BSN: variants seen among roughly 807,000 people sequenced by gnomAD.
BSN encodes the protein bassoon presynaptic cytomatrix protein, also known as protein bassoon.
In BSN, 57 loss-of-function variants were observed where a neutral mutation model predicts 264.8. The ratio of observed to expected loss-of-function variants is 0.22; its 90% CI spans 0.17 to 0.27. The LOEUF (loss-of-function observed/expected upper bound fraction) is 0.27, where lower values mean the gene tolerates loss of function less well. Ranked by LOEUF, BSN falls within the 10% of genes least tolerant of loss-of-function variation. The probability of loss-of-function intolerance (pLI) is 1.00; values close to 1 mark genes in which losing one functional copy is unlikely to be tolerated. For missense variants in BSN, 4,615 were observed against 5,232.5 expected, an observed-to-expected ratio of 0.88 and a Z score of 3.64; for synonymous variants, 2,059 against 2,137.3, an observed-to-expected ratio of 0.96 and a Z score of 1.01.
chr3:49,636,289 G>A (rs1300983438), intron 2 of BSN, among the ~76,000 whole-genome samples: 2 of 152,246 alleles, frequency 1.3e-5, no homozygotes, highest in East Asian at 3.9e-4. Flanking sequence ...AGGAGGGGAA[G>A]CTGGGCATGA....
chr3:49,612,806 C>T (rs1236756098), intron 1 of BSN, among the ~76,000 whole-genome samples: 1 of 152,142 alleles, frequency 6.6e-6, no homozygotes. Context: ...AAAACTTTCC[C>T]CCTGAAATAA....
chr3:49,651,896 C>A lies in BSN; in HGVS notation c.2340C>A (p.Ile780=). The part of the protein sequence containing the change: ...AFDSDEELED[I]LEEDEDSAEW... Reference sequence around the variant, plus strand: ...ACTCTGATGAGGAGCTGGAGGATATCCTGGAGGAAGACGAAGACTCTGCTG... The same window carrying A: ...ACTCTGATGAGGAGCTGGAGGATATACTGGAGGAAGACGAAGACTCTGCTG... The change falls in exon 5 of 12, where the codon ATC becomes ATA. Residue 780 remains isoleucine, a synonymous_variant. Coordinates refer to ENST00000296452, the MANE Select transcript of BSN (RefSeq NM_003458.4). The surrounding 1 kb of genome is among the most constrained non-coding windows in gnomAD (Gnocchi z 5.4). The A allele has an allele frequency of 1.9e-6, 3 of 1,613,960 alleles. No homozygotes were observed. The highest frequency in any genetic ancestry group is 1.1e-5 in the South Asian group (1 of 91,086).
rs534896554 is a variant in BSN, at chr3:49,651,931, G to A, written c.2375G>A (p.Arg792His). Residue 792 changes from arginine (R) to histidine (H), a missense_variant, in exon 5 of 12, where the codon CGC (arginine) becomes CAC (histidine). Transcript: ENST00000296452. This position sits in a 1 kb window ranked among gnomAD's most constrained non-coding sequence, Gnocchi z 5.4. ...GACGAAGACTCTGCTGAGTGGAGGC[G>A]CCGGAGAGAGCAGCAGGACACTGCC... is the stretch of plus-strand genomic sequence containing the variant. ...EEDEDSAEWR[R>H]RREQQDTAES... 2.8e-5 allele frequency: 45 copies of A among 1,613,412 alleles called. No homozygotes were observed. The highest frequency in any genetic ancestry group is 5.3e-5 in the African/African-American group (4 of 74,932).
In BSN at chr3:49,657,549, G is replaced by T; in HGVS notation, c.7993G>T (p.Gly2665Cys). 6.2e-7 allele frequency: 1 copy of T among 1,613,190 alleles called. No individual in the cohort carries two copies. The highest frequency in any genetic ancestry group is 8.5e-7 in the Non-Finnish European group (1 of 1,180,020). ...CACTGTGAGGGCCATGAGCAGCGTG[G>T]GCATCCAGACCATCAGTGACTGCTC... is the stretch of plus-strand genomic sequence containing the variant. Reference protein sequence around the residue: ...AATVRAMSSVGIQTISDCSVQ... With the variant: ...AATVRAMSSVCIQTISDCSVQ... The change falls in exon 5 of 12, where the codon GGC becomes TGC. Residue 2665 changes from glycine to cysteine, a missense_variant. Physicochemically the swap from Gly to Cys is radical, Grantham distance 159. Transcript: ENST00000296452.
chr3:49,580,075 T>G (rs1206677967), intron 1 of BSN, among the ~76,000 whole-genome samples: 1 of 152,112 alleles, frequency 6.6e-6, no homozygotes, highest in Non-Finnish European at 1.5e-5. Context: ...TGTTTATGTC[T>G]GTTTTTTTAC....
intron 1 of BSN, among the ~76,000 whole-genome samples, chr3:49,598,145 A>G (rs1476036622): frequency 1.3e-5 from 2 of 152,102 alleles, no homozygotes; most frequent in African/African-American, 4.8e-5. Flanking sequence ...AACAGTTTCT[A>G]TTGCTTACTT....
At chr3:49,559,246 AT>A (rs888921661) in intron 1 of BSN, among the ~76,000 whole-genome samples, 128 of 149,758 alleles carry the variant, frequency 8.5e-4, no homozygotes, top group African/African-American at 2.8e-3. Context: ...TATCTTAAAC[AT>A]TTTTTTTTTA....
At chr3:49,568,331 C>T (rs1017681044) in intron 1 of BSN, among the ~76,000 whole-genome samples, 12 of 152,074 alleles carry the variant, frequency 7.9e-5, no homozygotes, top group Non-Finnish European at 1.0e-4. Flanking sequence ...TGGCATATAC[C>T]GTACTTTTTT....
At chr3:49,583,769 C>G (rs936464200) in intron 1 of BSN, among the ~76,000 whole-genome samples, 1 of 152,060 alleles carries the variant, frequency 6.6e-6, no homozygotes, top group Non-Finnish European at 1.5e-5. Flanking sequence ...TCATTTCTTC[C>G]TGAGTCAGTT....
At chr3:49,648,178 C>T (rs2052514241) in intron 3 of BSN, among the ~76,000 whole-genome samples, 1 of 152,254 alleles carries the variant, frequency 6.6e-6, no homozygotes, top group African/African-American at 2.4e-5. Context: ...CTGCTTCCTC[C>T]ATCCAGACTA....
In BSN at chr3:49,651,648, A is replaced by G. The variant is rs1171936575; in HGVS notation, c.2092A>G (p.Thr698Ala). Residue 698 changes from threonine to alanine, a missense_variant, in exon 5 of 12, where the codon ACA (threonine) becomes GCA (alanine). Thr to Ala is a moderately conservative substitution (Grantham distance 58). Coordinates refer to ENST00000296452, the MANE Select transcript of BSN (RefSeq NM_003458.4). The surrounding 1 kb of genome is among the most constrained non-coding windows in gnomAD (Gnocchi z 5.4). ...CATCTCTAGCTCCCAGAGTGAGATC[A>G]CAGGAGTCGTGCAGCAGGAGGTGGA... is the stretch of plus-strand genomic sequence containing the variant. The part of the protein sequence containing the change: ...DGISSSQSEI[T>A]GVVQQEVEQL... 6.2e-7 allele frequency: 1 copy of G among 1,613,984 alleles called. No individual in the cohort carries two copies. Among genetic ancestry groups the G allele is most frequent in the East Asian group, 2.2e-5 (1 of 44,892 alleles).
At chr3:49,658,232 G>A (rs2052627733) in intron 5 of BSN, 36 bp downstream of exon 5, 1 of 1,500,888 alleles carries the variant, frequency 6.7e-7, no homozygotes, top group African/African-American at 1.4e-5. Flanking sequence ...GTGGGACAGG[G>A]GTCTCTGCCT....
In BSN at chr3:49,643,011, G is replaced by A. The variant is rs749730838; in HGVS notation, c.1377G>A (p.Pro459=). The A allele has an allele frequency of 2.1e-4, 332 of 1,613,996 alleles. No homozygotes were observed. The highest frequency in any genetic ancestry group is 2.6e-4 in the Non-Finnish European group (312 of 1,180,032). The change falls in exon 3 of 12, where the codon CCG becomes CCA. Residue 459 remains proline (P), a synonymous_variant. Transcript: ENST00000296452. The part of the protein sequence containing the change: ...SKAAAKPKTM[P]KERAICPLCQ... ...CTGCTGCCAAGCCAAAGACCATGCCGAAGGAAAGGGCCATCTGCCCACTGT... is the reference window on the plus strand; with the variant it reads ...CTGCTGCCAAGCCAAAGACCATGCCAAAGGAAAGGGCCATCTGCCCACTGT...
rs1418587152 is a variant in BSN, at chr3:49,657,330, G to A, written c.7774G>A (p.Gly2592Arg). 1.9e-6 allele frequency: 3 copies of A among 1,613,504 alleles called. No individual in the cohort carries two copies. Among genetic ancestry groups the A allele is most frequent in the East Asian group, 2.2e-5 (1 of 44,888 alleles). Reference sequence around the variant, plus strand: ...CAGCGTGCAGACAGACGATGAGGATGGGGAGAGCCGCTACCTCTTGAGTCG... The same window carrying A: ...CAGCGTGCAGACAGACGATGAGGATAGGGAGAGCCGCTACCTCTTGAGTCG... The part of the protein sequence containing the change: ...DSSVQTDDED[G>R]ESRYLLSRRR... Residue 2592 changes from glycine (G) to arginine (R), a missense_variant, in exon 5 of 12, where the codon GGG (glycine) becomes AGG (arginine). By Grantham distance (125) the Gly-to-Arg change is moderately radical. This residue lies in a region of BSN where 3,415 missense variants were observed against 3,866.4 expected (regional missense o/e 0.88). Coordinates refer to ENST00000296452, the MANE Select transcript of BSN (RefSeq NM_003458.4).
At chr3:49,579,371 T>C (rs2051875548) in intron 1 of BSN, among the ~76,000 whole-genome samples, 1 of 151,994 alleles carries the variant, frequency 6.6e-6, no homozygotes, top group African/African-American at 2.4e-5. Flanking sequence ...ATAAGTATGA[T>C]TTTAGGTATG....
Position 49,652,065 on chromosome 3 carries a change from C to G in BSN, c.2509C>G (p.Leu837Val), listed in dbSNP as rs2052545942. 1 of 1,609,776 alleles carries G rather than the reference C, an allele frequency of 6.2e-7. No homozygotes were observed. The highest frequency in any genetic ancestry group is 1.3e-5 in the African/African-American group (1 of 74,888). The change falls in exon 5 of 12, where the codon CTG becomes GTG. Residue 837 changes from leucine (L) to valine (V), a missense_variant. Coordinates refer to ENST00000296452, the MANE Select transcript of BSN (RefSeq NM_003458.4). The part of the protein sequence containing the change: ...PPQPPARAAE[L>V]TDEDFMRRQI... ...CCAGCCCCCAGCCCGGGCAGCAGAACTGACTGATGAGGATTTCATGCGACG... is the reference window on the plus strand; with the variant it reads ...CCAGCCCCCAGCCCGGGCAGCAGAAGTGACTGATGAGGATTTCATGCGACG...
chr3:49,641,881 T>C (rs557705958), intron 2 of BSN: 35 of 191,842 alleles, frequency 1.8e-4, no homozygotes, highest in African/African-American at 7.6e-4. Context: ...CTGGCTGCTA[T>C]GTGCAAATGG....
In BSN at chr3:49,651,255, T is replaced by C; in HGVS notation, c.1986+176T>C. The stretch of plus-strand genomic sequence containing the variant: ...ATGAGGTTCTGGCACGCTTGGAGAC[T>C]GTGGGTTTTACACTGGTGCTGTGTC... On this transcript the variant is annotated intron_variant, in intron 4 of 11. Coordinates refer to ENST00000296452, the MANE Select transcript of BSN (RefSeq NM_003458.4). This position sits in a 1 kb window ranked among gnomAD's most constrained non-coding sequence, Gnocchi z 5.4. 1.4e-6 allele frequency: 1 copy of C among 692,954 alleles called. No individual in the cohort carries two copies. The highest frequency in any genetic ancestry group is 2.3e-6 in the Non-Finnish European group (1 of 429,964). The allele number at this position is 692,954 out of a possible 1,614,324, so 42.9% of individuals were successfully genotyped here.
rs918868718 is a variant in BSN at position 49,617,638 on chromosome 3, G to A, written c.225-7337G>A. 4.6e-5 allele frequency among the ~76,000 whole-genome samples: 7 copies of A among 152,158 alleles called. No individual in the cohort carries two copies. The East Asian group carries it at 1.2e-3, about 25-fold the overall frequency. ...CATTCCCTTCTTTCTCCTGCCCAGC[G>A]GCCATATTTTGGCGGAGACCTTTGT... On this transcript the variant is annotated intron_variant, in intron 1 of 11. Coordinates refer to ENST00000296452, the MANE Select transcript of BSN (RefSeq NM_003458.4).
Sources: gnomAD v4.1 joint callset for allele counts (sites outside exome capture counted in the v4.1 genomes callset) on GRCh38, gnomAD v4.1.1 for gene constraint, gnomAD v4.1.1 regional missense constraint, Gnocchi (gnomAD v3.1) non-coding constraint, MANE v1.5 for transcripts, NCBI Gene and HGNC (gene_info 2026-07-23, HGNC 2026-07-21) for gene names.